The following SFMBT2 variants were observed in gnomAD, a reference collection of about 807,000 sequenced individuals.
SFMBT2 encodes Scm like with four mbt domains 2, also known as scm-like with four MBT domains protein 2.
Under a neutral mutation model 110.1 loss-of-function variants are expected in SFMBT2, and 38 were observed. The observed-to-expected ratio is 0.35, with a 90% confidence interval of 0.27 to 0.45. The LOEUF (loss-of-function observed/expected upper bound fraction) is 0.45. SFMBT2 is among the 20% of genes least tolerant of loss of function. SFMBT2 has a pLI of 1.00. For missense variants in SFMBT2, 1,011 were observed against 1,094.9 expected (o/e 0.92, Z 1.08); for synonymous variants, 425 against 425.4 (o/e 1.00, Z 0.01).
intron 4 of SFMBT2, among the ~76,000 whole-genome samples, chr10:7,314,488 G>A (rs1425528848): frequency 1.3e-5 from 2 of 152,160 alleles, no homozygotes; most frequent in Non-Finnish European, 2.9e-5. Flanking sequence ...ATTTCTTAAC[G>A]ATCACATGAT....
intron 11 of SFMBT2, among the ~76,000 whole-genome samples, chr10:7,215,145 A>C (rs1028190600): frequency 6.6e-6 from 1 of 152,244 alleles, no homozygotes; most frequent in African/African-American, 2.4e-5. Flanking sequence ...TCACACCTGT[A>C]ATCCCGGCAT....
intron 4 of SFMBT2, among the ~76,000 whole-genome samples, chr10:7,331,103 T>A (rs1422589351): frequency 2.6e-5 from 4 of 152,244 alleles, no homozygotes; most frequent in Non-Finnish European, 4.4e-5. Flanking sequence ...ACTTCTTTGG[T>A]ACTTGTATTC....
intron 1 of SFMBT2, among the ~76,000 whole-genome samples, chr10:7,406,398 G>A (rs887733654): frequency 1.3e-5 from 2 of 151,164 alleles, no homozygotes; most frequent in African/African-American, 4.9e-5. Context: ...TTTTCTTACT[G>A]CTCAAAGCAA....
At chr10:7,366,431 CA>C (rs890894030) in intron 4 of SFMBT2, among the ~76,000 whole-genome samples, 1,829 of 63,234 alleles carry the variant, frequency 0.029, 17 homozygotes, top group East Asian at 0.087. Context: ...TATATCATAA[CA>C]AAAAAAAAAA....
intron 4 of SFMBT2, among the ~76,000 whole-genome samples, chr10:7,326,746 C>G (rs1225321697): frequency 1.3e-5 from 2 of 152,156 alleles, no homozygotes; most frequent in African/African-American, 2.4e-5. Context: ...GCAGTTAACT[C>G]TCTAAAAAGT....
At chr10:7,315,092 GAAAGAAAGAAAGAAAGAAAAAGCA>G (rs1315054094) in intron 4 of SFMBT2, among the ~76,000 whole-genome samples, 5 of 145,236 alleles carry the variant, frequency 3.4e-5, no homozygotes, top group Non-Finnish European at 6.2e-5. Flanking sequence ...AAGAAAGAAA[GAAAGAAAGAAAGAAAGAAAAAGCA>G]AGCAAGCAAG....
At chr10:7,220,199 T>C (rs140832446) in intron 11 of SFMBT2, among the ~76,000 whole-genome samples, 102 of 152,364 alleles carry the variant, frequency 6.7e-4, no homozygotes, top group African/African-American at 2.4e-3. Context: ...TGCCAGCATC[T>C]CATTGCATGA....
chr10:7,342,083 TAA>T (rs34326199), intron 4 of SFMBT2, among the ~76,000 whole-genome samples: 103 of 136,172 alleles, frequency 7.6e-4, no homozygotes, highest in Middle Eastern at 3.8e-3. Flanking sequence ...ACTGCCTCAT[TAA>T]AAAAAAAAAA....
intron 4 of SFMBT2, among the ~76,000 whole-genome samples, chr10:7,339,137 G>C (rs1843812773): frequency 6.6e-6 from 1 of 152,170 alleles, no homozygotes; most frequent in African/African-American, 2.4e-5. Flanking sequence ...CTACTCAGGA[G>C]GCTGAGGCAG....
rs982111309 is a variant in SFMBT2, at chr10:7,172,601, T to A, written c.2045A>T (p.Asp682Val). ...CCTGGCGGGTTTGGGGTGTCCGCTG[T>A]CGGGGTTGCTTTCCCCGATGGGGGG... ...SKPPIGESNP[D>V]SGHPKPARRR... Residue 682 changes from aspartate to valine, a missense_variant, in exon 18 of 21, where the codon GAC (aspartate) becomes GTC (valine). Physicochemically the swap from Asp to Val is radical, Grantham distance 152. Coordinates refer to ENST00000397167, the MANE Select transcript of SFMBT2 (RefSeq NM_001387889.1). This position sits in a 1 kb window ranked among gnomAD's most constrained non-coding sequence, Gnocchi z 4.6. 1 of 1,614,088 alleles carries A rather than the reference T, an allele frequency of 6.2e-7. No homozygotes were observed. Among genetic ancestry groups the A allele is most frequent in the South Asian group, 1.1e-5 (1 of 91,090 alleles).
intron 7 of SFMBT2, among the ~76,000 whole-genome samples, chr10:7,268,906 G>C (rs1841480988): frequency 6.6e-6 from 1 of 152,170 alleles, no homozygotes. Context: ...GTGATGCAGA[G>C]ACATCTGCTC....
At chr10:7,363,232 G>A (rs1844780803) in intron 4 of SFMBT2, among the ~76,000 whole-genome samples, 1 of 152,124 alleles carries the variant, frequency 6.6e-6, no homozygotes, top group Admixed American at 6.5e-5. Context: ...AAATTCCCCT[G>A]CACAGGCTCT....
intron 8 of SFMBT2, among the ~76,000 whole-genome samples, chr10:7,246,665 G>A (rs916836546): frequency 2.2e-5 from 3 of 133,358 alleles, no homozygotes; most frequent in Non-Finnish European, 4.6e-5. Context: ...GTTGTAGTGA[G>A]CCGAGATCAT....
chr10:7,298,887 A>G (rs1842484764), intron 4 of SFMBT2, among the ~76,000 whole-genome samples: 1 of 152,132 alleles, frequency 6.6e-6, no homozygotes, highest in Admixed American at 6.5e-5. Flanking sequence ...ATTACGAACA[A>G]CTACTGCATA....
At chr10:7,205,537 G>C (rs1839101827) in intron 12 of SFMBT2, 2 of 985,282 alleles carry the variant, frequency 2.0e-6, no homozygotes, top group Non-Finnish European at 2.4e-6. Flanking sequence ...TCAAAACAAT[G>C]AATTGTATAA....
intron 2 of SFMBT2, among the ~76,000 whole-genome samples, chr10:7,371,477 A>C (rs544184192): frequency 4.9e-4 from 75 of 152,344 alleles, no homozygotes; most frequent in African/African-American, 1.8e-3. Context: ...GGCTTGAAGG[A>C]AATCAAGCAA....
At chr10:7,228,384 A>G in intron 9 of SFMBT2, 2 of 832,712 alleles carry the variant, frequency 2.4e-6, no homozygotes, top group Non-Finnish European at 2.9e-6. Context: ...ATTAAAAAAA[A>G]AAAAAACAAA....
chr10:7,312,889 AG>A lies in SFMBT2; in HGVS notation c.437-26936del, dbSNP rs531126750. Among the ~76,000 whole-genome samples, 284 of 152,358 alleles carry A rather than the reference AG, an allele frequency of 1.9e-3. 1 individual carries two copies. Among genetic ancestry groups the A allele is most frequent in the African/African-American group, 6.5e-3 (269 of 41,580 alleles). ...CAGAAGGAGAGGGACAGCATTTCAA[AG>A]TAAAAACTAGACAGATTTTCTGGGA... On this transcript the variant is annotated intron_variant, in intron 4 of 20. Coordinates refer to ENST00000397167, the MANE Select transcript of SFMBT2 (RefSeq NM_001387889.1).
intron 1 of SFMBT2, among the ~76,000 whole-genome samples, chr10:7,401,077 G>A (rs1009405584): frequency 1.3e-5 from 2 of 152,090 alleles, no homozygotes; most frequent in East Asian, 1.9e-4. Flanking sequence ...AGATTGCAAC[G>A]AGCCGAGATC....
Sources: allele counts gnomAD v4.1 joint callset (sites outside exome capture counted in the v4.1 genomes callset), GRCh38; gene constraint gnomAD v4.1.1; non-coding constraint Gnocchi (gnomAD v3.1); transcripts MANE v1.5; gene names NCBI Gene and HGNC (gene_info 2026-07-23, HGNC 2026-07-21).